Variants in RHOBTB3 observed in about 807,000 individuals in gnomAD.
The protein encoded by RHOBTB3 is rho-related BTB domain-containing protein 3.
In RHOBTB3, 47 loss-of-function variants were observed where a neutral mutation model predicts 67.2. That is an observed-to-expected ratio of 0.70 (90% CI 0.55 to 0.89). The LOEUF is 0.89. RHOBTB3 is among the 40% of genes least tolerant of loss of function. RHOBTB3 has a pLI of 0.00. For missense variants in RHOBTB3, 631 were observed against 750.0 expected, an observed-to-expected ratio of 0.84 and a Z score of 1.85; for synonymous variants, 273 against 274.2, an observed-to-expected ratio of 1.00 and a Z score of 0.04.
At chr5:95,787,453 TA>T (rs34798964) in intron 10 of RHOBTB3, among the ~76,000 whole-genome samples, 19,534 of 148,118 alleles carry the variant, frequency 0.13, 1,322 homozygotes, top group Middle Eastern at 0.18. Context: ...TATACAGCTT[TA>T]AAAAAAAAAA....
At chr5:95,731,819 C>A in intron 1 of RHOBTB3, 40 bp from the exon 2 acceptor site, 1 of 1,601,840 alleles carries the variant, frequency 6.2e-7, no homozygotes, top group Non-Finnish European at 8.5e-7. Context: ...CGCGCGCTGA[C>A]CGTGCTTCCC....
chr5:95,717,640 A>C (rs973689769), exon 1 of RHOBTB3: 9 of 152,264 alleles, frequency 5.9e-5, no homozygotes, highest in Non-Finnish European at 8.8e-5. Context: ...TGCATTGACT[A>C]AACCTAACTA....
At chr5:95,737,170 T>C (rs1044845818) in intron 3 of RHOBTB3, 95 bp downstream of exon 3, 2 of 830,352 alleles carry the variant, frequency 2.4e-6, no homozygotes, top group African/African-American at 1.8e-5. Flanking sequence ...GGGTTTGTTT[T>C]TGAAAACCAA....
In RHOBTB3 at chr5:95,731,650, C is replaced by T; in HGVS notation, c.-33C>T. ...CGAAGCCGTGAGCCGCTGCTTTTCT[C>T]CGAGTCGCCGCCCTGCCCTTGGATT... is the stretch of plus-strand genomic sequence containing the variant. On this transcript the variant is annotated 5_prime_UTR_variant, in exon 1 of 12. Coordinates refer to ENST00000379982, the MANE Select transcript of RHOBTB3 (RefSeq NM_014899.4). 1 of 1,612,870 alleles carries T rather than the reference C, an allele frequency of 6.2e-7. No individual in the cohort carries two copies. The highest frequency in any genetic ancestry group is 8.5e-7 in the Non-Finnish European group (1 of 1,179,596).
Position 95,763,598 on chromosome 5 carries a change from G to A in RHOBTB3, c.1139G>A (p.Cys380Tyr), listed in dbSNP as rs762440009. Reference protein sequence around the residue: ...DVSNVIEKVKCILKTPGKINC... With the variant: ...DVSNVIEKVKYILKTPGKINC... Reference sequence around the variant, plus strand: ...TCAAATGTAATCGAGAAAGTTAAATGCATTTTAAAAACACCAGGAAAGGTA... The same window carrying A: ...TCAAATGTAATCGAGAAAGTTAAATACATTTTAAAAACACCAGGAAAGGTA... Residue 380 changes from cysteine to tyrosine, a missense_variant, in exon 7 of 12, where the codon TGC (cysteine) becomes TAC (tyrosine). By Grantham distance (194) the Cys-to-Tyr change is radical (BLOSUM62 -2). Coordinates refer to ENST00000379982, the MANE Select transcript of RHOBTB3 (RefSeq NM_014899.4). The A allele has an allele frequency of 1.9e-6, 3 of 1,605,134 alleles. No individual in the cohort carries two copies. The East Asian group carries it at 6.7e-5, about 36-fold the overall frequency.
Position 95,771,477 on chromosome 5 carries a change from C to A in RHOBTB3, c.1282+3311C>A, listed in dbSNP as rs144118620. ...CCCTGTGTGCAGTGTGAGCCTGGGA[C>A]GCTGAAAGTAGGGCAGCAAGAGTGA... On this transcript the variant is annotated intron_variant, in intron 8 of 11. Coordinates refer to ENST00000379982, the MANE Select transcript of RHOBTB3 (RefSeq NM_014899.4). Among the ~76,000 whole-genome samples the A allele has an allele frequency of 3.7e-3, 564 of 152,186 alleles. 5 individuals are homozygous for A. Among genetic ancestry groups the A allele is most frequent in the Non-Finnish European group, 4.5e-3 (303 of 68,008 alleles).
chr5:95,778,470 G>A (rs975310481), intron 8 of RHOBTB3, among the ~76,000 whole-genome samples: 8 of 151,316 alleles, frequency 5.3e-5, no homozygotes, highest in Admixed American at 2.0e-4. Context: ...CCATGGATTC[G>A]GAGAGCTAAC....
At chr5:95,729,979 A>C (rs917084725), upstream of RHOBTB3, among the ~76,000 whole-genome samples, 5 of 152,190 alleles carry the variant, frequency 3.3e-5, no homozygotes, top group Non-Finnish European at 5.9e-5. Flanking sequence ...TATATTTTCT[A>C]TTAACCCAAG....
upstream of RHOBTB3, among the ~76,000 whole-genome samples, chr5:95,728,901 T>G (rs1755136065): frequency 6.6e-6 from 1 of 152,174 alleles, no homozygotes; most frequent in African/African-American, 2.4e-5. Flanking sequence ...ACCTCACTGC[T>G]CATTATATGC....
Position 95,732,010 on chromosome 5 carries a change from C to T in RHOBTB3, c.154C>T (p.Arg52Cys). 6.2e-7 allele frequency: 1 copy of T among 1,614,176 alleles called. No individual in the cohort carries two copies. Among genetic ancestry groups the T allele is most frequent in the Non-Finnish European group, 8.5e-7 (1 of 1,180,036 alleles). Residue 52 changes from arginine to cysteine, a missense_variant, in exon 2 of 12, where the codon CGT (arginine) becomes TGT (cysteine). Physicochemically the swap from Arg to Cys is radical, Grantham distance 180. Coordinates refer to ENST00000379982, the MANE Select transcript of RHOBTB3 (RefSeq NM_014899.4). ...LLLNAASTVA[R>C]PVFTEYQASA... Reference sequence around the variant, plus strand: ...GCTGAACGCGGCCAGCACGGTCGCGCGTCCGGTGTTCACCGAGTATCAGGC... The same window carrying T: ...GCTGAACGCGGCCAGCACGGTCGCGTGTCCGGTGTTCACCGAGTATCAGGC...
At chr5:95,734,854 A>G (rs1005674109) in intron 2 of RHOBTB3, among the ~76,000 whole-genome samples, 2 of 152,010 alleles carry the variant, frequency 1.3e-5, no homozygotes, top group Admixed American at 6.6e-5. Context: ...GCCCAGACCC[A>G]TTTTTTCATA....
Position 95,755,905 on chromosome 5 carries a change from G to A in RHOBTB3, c.1048+144G>A, listed in dbSNP as rs568720142. The A allele has an allele frequency of 4.1e-5, 32 of 780,102 alleles. No individual in the cohort carries two copies. In the Admixed American group the frequency reaches 8.4e-4, roughly 20 times the overall value. 48.3% of individuals were successfully genotyped at this position (780,102 alleles called of 1,614,324 possible). A position where few individuals can be genotyped will look rare whatever the true frequency, so the allele number is the denominator to read the frequency against. On this transcript the variant is annotated intron_variant, in intron 6 of 11. Transcript: ENST00000379982. ...TAAGATTATACATGAAATATTATTT[G>A]CTTTATATATAAGAATTGGTCCAAG...
intron 9 of RHOBTB3, chr5:95,782,808 TCAA>T (rs1320996903): frequency 2.7e-5 from 1 of 37,654 alleles, no homozygotes; most frequent in South Asian, 1.1e-3. Context: ...AGACTCCATC[TCAA>T]AAAAAAAAAA....
intron 9 of RHOBTB3, chr5:95,782,746 CT>C (rs1746090207): frequency 7.0e-6 from 1 of 143,016 alleles, no homozygotes. Context: ...GGAGGAGGAG[CT>C]TGCAGTGAGC....
intron 7 of RHOBTB3, among the ~76,000 whole-genome samples, chr5:95,767,226 G>A (rs1442900492): frequency 6.6e-6 from 1 of 152,070 alleles, no homozygotes; most frequent in East Asian, 1.9e-4. Flanking sequence ...AGATGGAGGT[G>A]AACCACTTCA....
At position 95,796,308 on chromosome 5, in the gene RHOBTB3, G is replaced by A. The variant is rs1746558284; in HGVS notation, c.*3134G>A. The A allele has an allele frequency of 6.6e-6, 1 of 152,186 alleles. No individual in the cohort carries two copies. Among genetic ancestry groups the A allele is most frequent in the Non-Finnish European group, 1.5e-5 (1 of 68,024 alleles). The allele number at this position is 152,186 out of a possible 1,614,324, so 9.4% of individuals were successfully genotyped here. A position where few individuals can be genotyped will look rare whatever the true frequency, so the allele number is the denominator to read the frequency against. On this transcript the variant is annotated 3_prime_UTR_variant, in exon 12 of 12. Coordinates refer to ENST00000379982, the MANE Select transcript of RHOBTB3 (RefSeq NM_014899.4). ...AATATAGCCTGACCTGAATTTATAT[G>A]TTTTTAGCTTTAGTATTTAACTTTT... is the stretch of plus-strand genomic sequence containing the variant.
intron 6 of RHOBTB3, among the ~76,000 whole-genome samples, chr5:95,756,315 C>T (rs1316649648): frequency 6.6e-6 from 1 of 152,136 alleles, no homozygotes; most frequent in African/African-American, 2.4e-5. Context: ...AAGGTTCATC[C>T]AAGTTGTGGC....
At chr5:95,744,616 A>G (rs1001917246) in intron 3 of RHOBTB3, among the ~76,000 whole-genome samples, 8 of 152,184 alleles carry the variant, frequency 5.3e-5, no homozygotes, top group African/African-American at 1.9e-4. Flanking sequence ...AGATGTAATT[A>G]CAAAGTAATT....
chr5:95,737,129 T>A, intron 3 of RHOBTB3, 54 bp downstream of exon 3: 1 of 1,185,262 alleles, frequency 8.4e-7, no homozygotes, highest in Non-Finnish European at 1.2e-6. Flanking sequence ...ATATATACTT[T>A]AAATAGTGCT....
Sources: gnomAD v4.1 joint callset for allele counts (sites outside exome capture counted in the v4.1 genomes callset) on GRCh38, gnomAD v4.1.1 for gene constraint, MANE v1.5 for transcripts, NCBI Gene and HGNC (gene_info 2026-07-23, HGNC 2026-07-21) for gene names.